Variants in RAD51B observed in about 807,000 individuals in gnomAD.
RAD51B encodes DNA repair protein RAD51 homolog 2.
A neutral mutation model predicts 42.2 loss-of-function variants in RAD51B; 38 were observed. The observed-to-expected ratio is 0.90, with a 90% CI of 0.70 to 1.18. The LOEUF is 1.18. RAD51B is among the 50% of genes most tolerant of loss of function. RAD51B has a pLI of 0.00. For missense variants in RAD51B, 373 were observed against 400.7 expected, an observed-to-expected ratio of 0.93 and a Z score of 0.59; for synonymous variants, 154 against 145.2, an observed-to-expected ratio of 1.06 and a Z score of -0.43.
chr14:67,983,966 G>T (rs1290330640), intron 7 of RAD51B, among the ~76,000 whole-genome samples: 1 of 149,382 alleles, frequency 6.7e-6, no homozygotes, highest in Non-Finnish European at 1.5e-5. Context: ...TCTTGACAGT[G>T]TCTCCCTCTG....
Position 68,593,356 on chromosome 14 carries a change from C to A in RAD51B, c.1037-1129C>A, listed in dbSNP as rs1473179530. ...GGAACAGGGCCAGGCCCATGATGGG[C>A]TCTCTGGTGGGCTCTCAAGCTCTCG... On this transcript the variant is annotated intron_variant, in intron 10 of 10. Coordinates refer to the RAD51B transcript ENST00000487270. 2.0e-5 allele frequency among the ~76,000 whole-genome samples: 3 copies of A among 152,200 alleles called. No individual in the cohort carries two copies. The East Asian group carries it at 5.8e-4, about 29-fold the overall frequency.
chr14:68,047,662 G>A (rs2076324443), intron 7 of RAD51B, among the ~76,000 whole-genome samples: 1 of 152,158 alleles, frequency 6.6e-6, no homozygotes, highest in Admixed American at 6.5e-5. Flanking sequence ...GCCAGGCACT[G>A]TGTTAAACAT....
At position 67,878,498 on chromosome 14, in the gene RAD51B, A is replaced by G. The variant is rs1215001077; in HGVS notation, c.453-7371A>G. On this transcript the variant is annotated intron_variant, in intron 5 of 10. Transcript: ENST00000471583. Reference sequence around the variant, plus strand: ...AACTTTGGTTATGCTATCTTTTGTTATCTATGATTTCTTTGGTGGTTGATC... The same window carrying G: ...AACTTTGGTTATGCTATCTTTTGTTGTCTATGATTTCTTTGGTGGTTGATC... 2.0e-5 allele frequency among the ~76,000 whole-genome samples: 3 copies of G among 151,916 alleles called. No individual in the cohort carries two copies. In the East Asian group the frequency reaches 5.8e-4, roughly 29 times the overall value.
At chr14:68,299,110 G>A (rs974224142) in intron 8 of RAD51B, among the ~76,000 whole-genome samples, 3 of 151,712 alleles carry the variant, frequency 2.0e-5, no homozygotes, top group Non-Finnish European at 2.9e-5. Flanking sequence ...TTCTTCAGTC[G>A]AAGATATGGA....
chr14:68,267,448 A>G (rs908730875), intron 7 of RAD51B, among the ~76,000 whole-genome samples: 24 of 152,214 alleles, frequency 1.6e-4, no homozygotes, highest in Non-Finnish European at 2.9e-4. Context: ...CATGTTTACC[A>G]CTGGGAGAGT....
rs150809928 is a variant in RAD51B, at chr14:68,470,549, T to C, written c.1036+2299T>C. The C allele has an allele frequency of 3.6e-5, 18 of 499,920 alleles. No individual in the cohort carries two copies. The East Asian group carries it at 7.4e-4, about 21-fold the overall frequency. 31.0% of individuals were successfully genotyped at this position (499,920 alleles called of 1,614,324 possible). A position where few individuals can be genotyped will look rare whatever the true frequency, so the allele number is the denominator to read the frequency against. On this transcript the variant is annotated intron_variant, in intron 10 of 10. Transcript: ENST00000471583. ...TGGAAAATGAAAACATTAACCTTGATTCAAGACTTTGAAAACTGTCGCAAC... is the reference window on the plus strand; with the variant it reads ...TGGAAAATGAAAACATTAACCTTGACTCAAGACTTTGAAAACTGTCGCAAC...
At chr14:68,273,855 C>G (rs1177351331) in intron 7 of RAD51B, among the ~76,000 whole-genome samples, 3 of 152,124 alleles carry the variant, frequency 2.0e-5, no homozygotes, top group Non-Finnish European at 4.4e-5. Context: ...CCAGGCTATA[C>G]TTTATATAAA....
intron 7 of RAD51B, among the ~76,000 whole-genome samples, chr14:68,067,958 A>C (rs945907076): frequency 1.3e-5 from 2 of 150,184 alleles, no homozygotes; most frequent in Non-Finnish European, 3.0e-5. Flanking sequence ...AAAAAAAAAA[A>C]AGAAGGACAC....
intron 7 of RAD51B, among the ~76,000 whole-genome samples, chr14:68,171,773 CT>C (rs1418928108): frequency 6.6e-6 from 1 of 151,994 alleles, no homozygotes; most frequent in Non-Finnish European, 1.5e-5. Context: ...ATGGGGCGAT[CT>C]CGGTTCACTT....
intron 8 of RAD51B, among the ~76,000 whole-genome samples, chr14:68,331,291 C>T (rs973872042): frequency 4.2e-5 from 6 of 142,450 alleles, no homozygotes; most frequent in Non-Finnish European, 7.5e-5. Flanking sequence ...GAACCAGGAC[C>T]TGGGAGGCAG....
At chr14:67,961,507 CTG>C (rs1257320856) in intron 7 of RAD51B, among the ~76,000 whole-genome samples, 2 of 152,164 alleles carry the variant, frequency 1.3e-5, no homozygotes, top group Non-Finnish European at 2.9e-5. Flanking sequence ...TTTTCAAAGA[CTG>C]AACACCATAC....
At chr14:67,848,629 T>C (rs1162616565) in intron 4 of RAD51B, among the ~76,000 whole-genome samples, 2 of 152,170 alleles carry the variant, frequency 1.3e-5, no homozygotes, top group African/African-American at 4.8e-5. Flanking sequence ...GTCATTGTGT[T>C]GTTGGCTGGT....
intron 7 of RAD51B, among the ~76,000 whole-genome samples, chr14:68,020,548 C>T (rs1338863866): frequency 6.6e-6 from 1 of 152,046 alleles, no homozygotes; most frequent in Non-Finnish European, 1.5e-5. Flanking sequence ...AAAAAACTAC[C>T]TAAAATTGTC....
At chr14:67,942,531 T>C (rs1340360983) in intron 7 of RAD51B, among the ~76,000 whole-genome samples, 1 of 152,178 alleles carries the variant, frequency 6.6e-6, no homozygotes, top group African/African-American at 2.4e-5. Flanking sequence ...TGACACCAAA[T>C]TGTTTTTGCT....
intron 9 of RAD51B, among the ~76,000 whole-genome samples, chr14:68,444,822 G>C (rs1212562443): frequency 6.6e-6 from 1 of 152,156 alleles, no homozygotes; most frequent in African/African-American, 2.4e-5. Context: ...GCATATTTCT[G>C]TTTTTACCCC....
intron 10 of RAD51B, among the ~76,000 whole-genome samples, chr14:68,486,292 G>A (rs1396703273): frequency 6.6e-6 from 1 of 152,124 alleles, no homozygotes; most frequent in Non-Finnish European, 1.5e-5. Flanking sequence ...CTGCTACTGT[G>A]GGGTTCTAGT....
At chr14:68,509,141 G>C (rs1415640280) in intron 10 of RAD51B, among the ~76,000 whole-genome samples, 1 of 152,264 alleles carries the variant, frequency 6.6e-6, no homozygotes, top group Non-Finnish European at 1.5e-5. Context: ...GATAAAGGTG[G>C]TTTTCAAGGG....
At chr14:68,095,036 C>G (rs1338348491) in intron 7 of RAD51B, among the ~76,000 whole-genome samples, 1 of 152,172 alleles carries the variant, frequency 6.6e-6, no homozygotes, top group Non-Finnish European at 1.5e-5. Context: ...ATATGGAGAG[C>G]AGGCTCGGGT....
intron 10 of RAD51B, among the ~76,000 whole-genome samples, chr14:68,607,585 C>T (rs1891500044): frequency 6.6e-6 from 1 of 152,192 alleles, no homozygotes. Flanking sequence ...AAGTGCAGTT[C>T]TGGCCCTTTT....
Sources: allele counts gnomAD v4.1 joint callset (sites outside exome capture counted in the v4.1 genomes callset), GRCh38; gene constraint gnomAD v4.1.1; transcripts MANE v1.5; gene names NCBI Gene and HGNC (gene_info 2026-07-23, HGNC 2026-07-21).